The following SLC5A12 variants were observed in gnomAD, a reference collection of about 807,000 sequenced individuals.
SLC5A12 encodes the protein solute carrier family 5 member 12, also known as sodium-coupled monocarboxylate transporter 2.
SLC5A12 carries 46 observed loss-of-function variants against 72.7 expected under a neutral mutation model. That is an observed-to-expected ratio of 0.63 (90% CI 0.50 to 0.81). SLC5A12 has a LOEUF of 0.81. Among genes scored for constraint, SLC5A12 ranks in the 30% least tolerant of loss-of-function variants. The pLI, the probability that SLC5A12 is intolerant of heterozygous loss-of-function variation, is 0.00. For synonymous variants in SLC5A12, 275 were observed against 264.4 expected (o/e 1.04, Z -0.39); for missense variants, 683 against 740.7 (o/e 0.92, Z 0.90).
intron 9 of SLC5A12, among the ~76,000 whole-genome samples, chr11:26,690,802 A>G (rs1280906515): frequency 1.3e-5 from 2 of 151,416 alleles, no homozygotes; most frequent in East Asian, 3.9e-4. Flanking sequence ...CTCAAAAAAA[A>G]AAAAATTTAG....
Position 26,668,353 on chromosome 11 carries a change from T to C in SLC5A12, c.*2749A>G, listed in dbSNP as rs1854047391. 6.6e-6 allele frequency: 1 copy of C among 151,996 alleles called. No homozygotes were observed. The highest frequency in any genetic ancestry group is 1.5e-5 in the Non-Finnish European group (1 of 67,964). 9.4% of individuals were successfully genotyped at this position (151,996 alleles called of 1,614,324 possible). A position where few individuals can be genotyped will look rare whatever the true frequency, so the allele number is the denominator to read the frequency against. On this transcript the variant is annotated 3_prime_UTR_variant, in exon 15 of 15. Transcript: ENST00000396005. ...TCAAGTTTGGAACATTTTAGGCCCC[T>C]CTAAAACTCATCATTCCTAGTGCCA...
intron 11 of SLC5A12, among the ~76,000 whole-genome samples, chr11:26,682,503 G>A (rs1048894637): frequency 1.3e-5 from 2 of 152,088 alleles, no homozygotes; most frequent in Admixed American, 1.3e-4. Context: ...TGGTTAGTAG[G>A]ATCAGCTATG....
intron 10 of SLC5A12, among the ~76,000 whole-genome samples, chr11:26,686,081 CTGCCCAGAACATAGTAAGTGTTACATAAA>C (rs1219213870): frequency 7.9e-5 from 12 of 152,132 alleles, no homozygotes; most frequent in Admixed American, 7.9e-4. Flanking sequence ...ATCTAGGACT[CTGCCCAGAACATAGTAAGTGTTACATAAA>C]TGTTAATTAT....
rs2133150118 is a variant in SLC5A12 at position 26,683,767 on chromosome 11, A to G, written c.1298T>C (p.Val433Ala). The part of the protein sequence containing the change: ...LFSLGIVFPF[V>A]NWKGALGGLL... ...CTGTGGGATCCTTACCTTCCAATTC[A>G]CAAAAGGGAACACGATTCCCAGGGA... Residue 433 changes from valine to alanine, a missense_variant, in exon 11 of 15, where the codon GTG becomes GCG. Physicochemically the swap from Val to Ala is moderately conservative, Grantham distance 64 (BLOSUM62 0). Transcript: ENST00000396005. 1 of 1,589,190 alleles carries G rather than the reference A, an allele frequency of 6.3e-7. No homozygotes were observed. The highest frequency in any genetic ancestry group is 8.6e-7 in the Non-Finnish European group (1 of 1,167,448).
intron 13 of SLC5A12, among the ~76,000 whole-genome samples, chr11:26,676,405 C>T (rs1004107072): frequency 6.7e-6 from 1 of 149,688 alleles, no homozygotes; most frequent in Non-Finnish European, 1.5e-5. Context: ...CCAGATTTAA[C>T]CTTAGTACGG....
At chr11:26,696,317 GA>G (rs1264816743) in intron 8 of SLC5A12, among the ~76,000 whole-genome samples, 1 of 152,162 alleles carries the variant, frequency 6.6e-6, no homozygotes, top group African/African-American at 2.4e-5. Context: ...ATAAATGCAT[GA>G]ATGATTTTGT....
chr11:26,708,837 A>G (rs1361557080), intron 4 of SLC5A12, among the ~76,000 whole-genome samples: 2 of 152,104 alleles, frequency 1.3e-5, no homozygotes, highest in Admixed American at 1.3e-4. Context: ...AGGCTTACCC[A>G]GAAATACAAG....
intron 6 of SLC5A12, among the ~76,000 whole-genome samples, chr11:26,699,750 T>C (rs1854914275): frequency 6.6e-6 from 1 of 152,218 alleles, no homozygotes; most frequent in Non-Finnish European, 1.5e-5. Context: ...TTTGTAACAG[T>C]CACTTCCTGC....
At chr11:26,711,040 T>TA (rs1279543966) in intron 3 of SLC5A12, among the ~76,000 whole-genome samples, 1 of 152,072 alleles carries the variant, frequency 6.6e-6, no homozygotes, top group South Asian at 2.1e-4. Context: ...TCCAATGATT[T>TA]AAAAATAAAA....
At chr11:26,680,383 GTATATATATTCATATATATA>G (rs1565185793) in intron 12 of SLC5A12, among the ~76,000 whole-genome samples, 4 of 94,464 alleles carry the variant, frequency 4.2e-5, no homozygotes, top group Non-Finnish European at 8.7e-5. Context: ...ATATATATAT[GTATATATATTCATATATATA>G]TATATATTTC....
At position 26,671,021 on chromosome 11, in the gene SLC5A12, A is replaced by T; in HGVS notation, c.*81T>A. On this transcript the variant is annotated 3_prime_UTR_variant, in exon 15 of 15. Coordinates refer to ENST00000396005, the MANE Select transcript of SLC5A12 (RefSeq NM_178498.4). The stretch of plus-strand genomic sequence containing the variant: ...CAATGGCAACTATACATATCTACTA[A>T]CAAGTAGGCAAGAAGTATGTGGAGT... 7.4e-7 allele frequency: 1 copy of T among 1,349,412 alleles called. No individual in the cohort carries two copies. The highest frequency in any genetic ancestry group is 2.3e-5 in the Admixed American group (1 of 43,074). 83.6% of individuals were successfully genotyped at this position (1,349,412 alleles called of 1,614,324 possible).
intron 4 of SLC5A12, 86 bp from the exon 5 acceptor site, chr11:26,704,033 G>A: frequency 7.1e-7 from 1 of 1,399,310 alleles, no homozygotes; most frequent in Non-Finnish European, 9.9e-7. Flanking sequence ...ATGCATGCAT[G>A]CATTCTTTTG....
intron 6 of SLC5A12, among the ~76,000 whole-genome samples, chr11:26,699,758 T>C (rs956659229): frequency 1.3e-5 from 2 of 152,242 alleles, no homozygotes; most frequent in African/African-American, 4.8e-5. Context: ...AGTCACTTCC[T>C]GCTCTCTTGT....
intron 10 of SLC5A12, among the ~76,000 whole-genome samples, chr11:26,685,538 G>A (rs1854509611): frequency 6.6e-6 from 1 of 151,906 alleles, no homozygotes; most frequent in African/African-American, 2.4e-5. Context: ...AACCTGGGAG[G>A]CAGAGGTTGC....
chr11:26,717,589 CT>C (rs1855380178), intron 1 of SLC5A12, among the ~76,000 whole-genome samples: 2 of 152,166 alleles, frequency 1.3e-5, no homozygotes. Context: ...GATGGCATAT[CT>C]TAGTCTTGAA....
intron 1 of SLC5A12, among the ~76,000 whole-genome samples, chr11:26,715,439 C>T (rs530342826): frequency 7.9e-5 from 12 of 152,230 alleles, no homozygotes; most frequent in African/African-American, 2.6e-4. Context: ...AACCCTGAGA[C>T]GCACTTTATA....
intron 10 of SLC5A12, among the ~76,000 whole-genome samples, chr11:26,685,509 G>A (rs1854508552): frequency 6.6e-6 from 1 of 152,024 alleles, no homozygotes. Flanking sequence ...TTGGGAGGCT[G>A]AGGCAGGAGA....
At chr11:26,693,708 G>C (rs1022577321) in intron 8 of SLC5A12, among the ~76,000 whole-genome samples, 1 of 152,086 alleles carries the variant, frequency 6.6e-6, no homozygotes, top group African/African-American at 2.4e-5. Context: ...GTTTTCCATT[G>C]ATATTGATTA....
At chr11:26,687,152 T>C (rs1854556141) in intron 9 of SLC5A12, among the ~76,000 whole-genome samples, 1 of 152,198 alleles carries the variant, frequency 6.6e-6, no homozygotes, top group Non-Finnish European at 1.5e-5. Flanking sequence ...TCTGGTATCA[T>C]GAAAGCTCGC....
Sources: gnomAD v4.1 joint callset for allele counts (sites outside exome capture counted in the v4.1 genomes callset) on GRCh38, gnomAD v4.1.1 for gene constraint, MANE v1.5 for transcripts, NCBI Gene and HGNC (gene_info 2026-07-23, HGNC 2026-07-21) for gene names.